Variants in KIF16B observed in about 807,000 individuals in gnomAD.
The protein encoded by KIF16B is kinesin family member 16B, also known as kinesin-like protein KIF16B.
Under a neutral mutation model 156.3 loss-of-function variants are expected in KIF16B, and 98 were observed. The ratio of observed to expected loss-of-function variants is 0.63; its 90% CI spans 0.53 to 0.74. The LOEUF is 0.74. Ranked by LOEUF, KIF16B falls within the 30% of genes least tolerant of loss-of-function variation. The probability of loss-of-function intolerance (pLI) is 0.00; values close to 1 mark genes in which losing one functional copy is unlikely to be tolerated. For synonymous variants in KIF16B, 564 were observed against 583.7 expected (o/e 0.97, Z 0.49); for missense variants, 1,421 against 1,606.5 (o/e 0.88, Z 1.97).
intron 25 of KIF16B, among the ~76,000 whole-genome samples, chr20:16,300,063 C>A (rs774965407): frequency 5.3e-5 from 8 of 152,110 alleles, no homozygotes; most frequent in Non-Finnish European, 1.2e-4. Context: ...GTGTTCCATG[C>A]GGCCTCTCAC....
At chr20:16,383,907 T>C (rs897130946) in intron 17 of KIF16B, among the ~76,000 whole-genome samples, 1 of 152,174 alleles carries the variant, frequency 6.6e-6, no homozygotes, top group Non-Finnish European at 1.5e-5. Context: ...AAACCTACCA[T>C]CTGAGGATTG....
chr20:16,469,938 G>GATT (rs1370362144), intron 12 of KIF16B, among the ~76,000 whole-genome samples: 2 of 151,880 alleles, frequency 1.3e-5, no homozygotes, highest in Non-Finnish European at 2.9e-5. Context: ...CAGGTGAACG[G>GATT]ATTAAAAACA....
rs73901612 is a variant in KIF16B, at chr20:16,332,501, A to G, written c.3711+3425T>C. On this transcript the variant is annotated intron_variant, in intron 24 of 25. Coordinates refer to ENST00000354981, the MANE Select transcript of KIF16B (RefSeq NM_024704.5). ...TCATAGTCTGTTTTCCTTCAAATAC[A>G]TGAACACACGTGTTTGTGGGTTCTC... is the stretch of plus-strand genomic sequence containing the variant. Among the ~76,000 whole-genome samples, 553 of 152,330 alleles carry G rather than the reference A, an allele frequency of 3.6e-3. 4 individuals carry two copies. The highest frequency in any genetic ancestry group is 0.027 in the Middle Eastern group (8 of 294).
intron 1 of KIF16B, among the ~76,000 whole-genome samples, chr20:16,557,543 G>C (rs2070895278): frequency 6.6e-6 from 1 of 152,074 alleles, no homozygotes; most frequent in Non-Finnish European, 1.5e-5. Flanking sequence ...AGAGGAAGAG[G>C]GCAAGAAGGG....
Position 16,497,658 on chromosome 20 carries a change from G to T in KIF16B, c.1197C>A (p.Pro399=). Residue 399 remains proline, a synonymous_variant, in exon 11 of 26, where the codon CCC becomes CCA. Transcript: ENST00000354981. The part of the protein sequence containing the change: ...QGNQIALLDS[P]TALSMEEKLQ... ...GTTTTTCCTCCATACTTAAAGCTGT[G>T]GGGGAGTCTAAGAGGGCAATCTACA... 2 of 1,610,836 alleles carry T rather than the reference G, an allele frequency of 1.2e-6. No individual in the cohort carries two copies. Among genetic ancestry groups the T allele is most frequent in the Non-Finnish European group, 1.7e-6 (2 of 1,177,290 alleles).
chr20:16,313,611 C>T (rs558418846), intron 24 of KIF16B, among the ~76,000 whole-genome samples: 7 of 152,294 alleles, frequency 4.6e-5, no homozygotes, highest in South Asian at 4.1e-4. Flanking sequence ...CAAAAGTTAA[C>T]GCAGGCCTGA....
Position 16,552,321 on chromosome 20 carries a change from G to A in KIF16B, c.47+20908C>T, listed in dbSNP as rs748529346. Among the ~76,000 whole-genome samples the A allele has an allele frequency of 2.3e-4, 35 of 152,174 alleles. 1 individual carries two copies. Among genetic ancestry groups the A allele is most frequent in the Non-Finnish European group, 8.8e-5 (6 of 68,030 alleles). On this transcript the variant is annotated intron_variant, in intron 1 of 25. Coordinates refer to ENST00000354981, the MANE Select transcript of KIF16B (RefSeq NM_024704.5). Reference sequence around the variant, plus strand: ...CATGTGCCTCTGAAAATAAACAAGTGGATAAAATCATATCACGCTGAAGCC... The same window carrying A: ...CATGTGCCTCTGAAAATAAACAAGTAGATAAAATCATATCACGCTGAAGCC...
intron 7 of KIF16B, among the ~76,000 whole-genome samples, chr20:16,507,262 A>AT (rs1171885502): frequency 1.3e-5 from 2 of 152,162 alleles, no homozygotes; most frequent in African/African-American, 2.4e-5. Context: ...TAGAAAACTC[A>AT]TTTTTGTGCT....
chr20:16,530,602 C>G (rs2069712481), intron 1 of KIF16B, among the ~76,000 whole-genome samples: 2 of 152,226 alleles, frequency 1.3e-5, no homozygotes, highest in Admixed American at 6.5e-5. Flanking sequence ...ACCCTGACTG[C>G]AGCGCTAGGG....
chr20:16,357,821 T>C (rs942088544), intron 22 of KIF16B, among the ~76,000 whole-genome samples: 2 of 152,220 alleles, frequency 1.3e-5, no homozygotes, highest in Non-Finnish European at 2.9e-5. Context: ...TTTCTCTGCA[T>C]GGCTAGTCAC....
chr20:16,406,023 T>C (rs2065774315), intron 16 of KIF16B, among the ~76,000 whole-genome samples: 1 of 152,190 alleles, frequency 6.6e-6, no homozygotes. Context: ...TTTGGATTAA[T>C]GTGATTCCAA....
chr20:16,286,903 T>C (rs1306002821), intron 25 of KIF16B, among the ~76,000 whole-genome samples: 1 of 152,250 alleles, frequency 6.6e-6, no homozygotes, highest in Non-Finnish European at 1.5e-5. Context: ...GCACTGGCAC[T>C]AATGCCATGG....
At chr20:16,402,140 C>T (rs919235191) in intron 17 of KIF16B, among the ~76,000 whole-genome samples, 3 of 152,098 alleles carry the variant, frequency 2.0e-5, no homozygotes, top group African/African-American at 7.2e-5. Flanking sequence ...TTGCTTTCCC[C>T]TTCAGTCTCA....
intron 12 of KIF16B, among the ~76,000 whole-genome samples, chr20:16,474,378 C>A (rs548286158): frequency 6.6e-6 from 1 of 152,150 alleles, no homozygotes; most frequent in African/African-American, 2.4e-5. Flanking sequence ...TTCCAATGTA[C>A]ATAAACATGT....
At chr20:16,553,005 A>G (rs1186589534) in intron 1 of KIF16B, among the ~76,000 whole-genome samples, 1 of 151,954 alleles carries the variant, frequency 6.6e-6, no homozygotes, top group African/African-American at 2.4e-5. Context: ...ACCTCAAGTG[A>G]TCCACCCACC....
intron 15 of KIF16B, among the ~76,000 whole-genome samples, chr20:16,422,331 G>A (rs1196496591): frequency 1.3e-5 from 2 of 152,078 alleles, no homozygotes; most frequent in Non-Finnish European, 2.9e-5. Flanking sequence ...TTGGTGTTTG[G>A]AATTCAGTAC....
chr20:16,418,039 C>G (rs745739282), intron 15 of KIF16B, among the ~76,000 whole-genome samples: 1 of 151,970 alleles, frequency 6.6e-6, no homozygotes, highest in Non-Finnish European at 1.5e-5. Flanking sequence ...TTGAGAAGCT[C>G]GGCAAAACCC....
intron 3 of KIF16B, among the ~76,000 whole-genome samples, chr20:16,516,551 G>A (rs2069148035): frequency 6.6e-6 from 1 of 152,172 alleles, no homozygotes; most frequent in South Asian, 2.1e-4. Flanking sequence ...AGCAGCTGAG[G>A]AGATGCCAAA....
At chr20:16,530,038 C>T (rs746194979) in intron 1 of KIF16B, among the ~76,000 whole-genome samples, 6 of 152,152 alleles carry the variant, frequency 3.9e-5, no homozygotes, top group Admixed American at 6.5e-5. Context: ...ACAAACAACT[C>T]CCTTGCTTTG....
Sources: gnomAD v4.1 joint callset for allele counts (sites outside exome capture counted in the v4.1 genomes callset) on GRCh38, gnomAD v4.1.1 for gene constraint, MANE v1.5 for transcripts, NCBI Gene and HGNC (gene_info 2026-07-23, HGNC 2026-07-21) for gene names.